The following AGAP1 variants were observed in gnomAD, a reference collection of about 807,000 sequenced individuals.
AGAP1 encodes the protein ArfGAP with GTPase domain, ankyrin repeat and PH domain 1, also known as arf-GAP with GTPase, ANK repeat and PH domain-containing protein 1.
Under a neutral mutation model 105.3 loss-of-function variants are expected in AGAP1, and 29 were observed. That is an observed-to-expected ratio of 0.28 (90% confidence interval 0.21 to 0.38). The LOEUF (loss-of-function observed/expected upper bound fraction) is 0.38. Among genes scored for constraint, AGAP1 ranks in the 10% least tolerant of loss-of-function variants. The pLI is 1.00. For synonymous variants in AGAP1, 509 were observed against 485.9 expected (o/e 1.05, Z -0.63); for missense variants, 998 against 1,165.1 (o/e 0.86, Z 2.09).
Position 235,905,461 on chromosome 2 carries a change from A to G in AGAP1, c.1156-3277A>G, listed in dbSNP as rs755760735. Among the ~76,000 whole-genome samples the G allele has an allele frequency of 1.3e-5, 2 of 152,168 alleles. No homozygotes were observed. Among genetic ancestry groups the G allele is most frequent in the African/African-American group, 2.4e-5 (1 of 41,436 alleles). On this transcript the variant is annotated intron_variant, in intron 10 of 17. Coordinates refer to ENST00000304032, the MANE Select transcript of AGAP1 (RefSeq NM_001037131.3). The surrounding 1 kb of genome is among the most constrained non-coding windows in gnomAD (Gnocchi z 4.2). ...GAAAAACCTTTTTTAGGAAGTGACC[A>G]ACACTCACCACTCTACGGTGTGCTT...
intron 13 of AGAP1, among the ~76,000 whole-genome samples, chr2:235,975,780 AC>A (rs1189881889): frequency 6.6e-6 from 1 of 152,076 alleles, no homozygotes; most frequent in Non-Finnish European, 1.5e-5. Flanking sequence ...TGAACATTCC[AC>A]CGGCACCTCC....
rs2051443901 is a variant in AGAP1, at chr2:235,908,974, A to G, written c.1324+68A>G. Reference sequence around the variant, plus strand: ...AACAGGTGGTCCAGGCTCGAGGATAATGTTGGACTCCTAGGTTAAGTGGAG... The same window carrying G: ...AACAGGTGGTCCAGGCTCGAGGATAGTGTTGGACTCCTAGGTTAAGTGGAG... On this transcript the variant is annotated intron_variant, in intron 11 of 17. Coordinates refer to ENST00000304032, the MANE Select transcript of AGAP1 (RefSeq NM_001037131.3). The surrounding 1 kb of genome is among the most constrained non-coding windows in gnomAD (Gnocchi z 4.4). 6.7e-7 allele frequency: 1 copy of G among 1,490,574 alleles called. No individual in the cohort carries two copies. The highest frequency in any genetic ancestry group is 9.2e-7 in the Non-Finnish European group (1 of 1,086,320). The allele number at this position is 1,490,574 out of a possible 1,614,324, so 92.3% of individuals were successfully genotyped here. A position where few individuals can be genotyped will look rare whatever the true frequency, so the allele number is the denominator to read the frequency against.
intron 1 of AGAP1, among the ~76,000 whole-genome samples, chr2:235,528,162 A>G (rs1283963428): frequency 6.6e-6 from 1 of 152,176 alleles, no homozygotes; most frequent in African/African-American, 2.4e-5. Context: ...AACTCCAGAA[A>G]GTTTTACCAA....
In AGAP1 at chr2:235,988,215, G is replaced by T. The variant is rs2055405977; in HGVS notation, c.1645+19592G>T. Among the ~76,000 whole-genome samples, 1 of 152,138 alleles carries T rather than the reference G, an allele frequency of 6.6e-6. No individual in the cohort carries two copies. Among genetic ancestry groups the T allele is most frequent in the Non-Finnish European group, 1.5e-5 (1 of 68,034 alleles). ...CCACCACCACGCCCAGCTAATTTTTGTGTTTTTAGTAGAGACAGGGCTTCA... is the reference window on the plus strand; with the variant it reads ...CCACCACCACGCCCAGCTAATTTTTTTGTTTTTAGTAGAGACAGGGCTTCA... On this transcript the variant is annotated intron_variant, in intron 13 of 17. Coordinates refer to ENST00000304032, the MANE Select transcript of AGAP1 (RefSeq NM_001037131.3). This position sits in a 1 kb window ranked among gnomAD's most constrained non-coding sequence, Gnocchi z 4.7.
chr2:236,066,800 C>T (rs908006889), intron 16 of AGAP1, among the ~76,000 whole-genome samples: 2 of 152,192 alleles, frequency 1.3e-5, no homozygotes, highest in Admixed American at 6.5e-5. Flanking sequence ...CCTGTCCCCC[C>T]TCCTGTTTAT....
In AGAP1 at chr2:235,989,011, T is replaced by G. The variant is rs2055442169; in HGVS notation, c.1645+20388T>G. ...CAGACCACACGTTGTCAGGCTTCCC[T>G]TGGCCAATAATGTGGAGTCTTTTGG... On this transcript the variant is annotated intron_variant, in intron 13 of 17. Coordinates refer to ENST00000304032, the MANE Select transcript of AGAP1 (RefSeq NM_001037131.3). The surrounding 1 kb of genome is among the most constrained non-coding windows in gnomAD (Gnocchi z 4.4). Among the ~76,000 whole-genome samples, 1 of 152,206 alleles carries G rather than the reference T, an allele frequency of 6.6e-6. No individual in the cohort carries two copies. Among genetic ancestry groups the G allele is most frequent in the African/African-American group, 2.4e-5 (1 of 41,456 alleles).
At chr2:235,892,484 A>G (rs968165819) in intron 10 of AGAP1, among the ~76,000 whole-genome samples, 9 of 152,182 alleles carry the variant, frequency 5.9e-5, no homozygotes, top group South Asian at 2.1e-4. Flanking sequence ...TCTAGTTTCA[A>G]AATCAGACAG....
rs1230234803 is a variant in AGAP1, at chr2:235,600,841, C to G, written c.163+105992C>G. 6.6e-6 allele frequency among the ~76,000 whole-genome samples: 1 copy of G among 152,222 alleles called. No individual in the cohort carries two copies. Among genetic ancestry groups the G allele is most frequent in the African/African-American group, 2.4e-5 (1 of 41,442 alleles). On this transcript the variant is annotated intron_variant, in intron 1 of 17. Transcript: ENST00000304032. This position sits in a 1 kb window ranked among gnomAD's most constrained non-coding sequence, Gnocchi z 4.8. ...TTGGCAGCGCCCTCACAGACACACC[C>G]AGGATCAATACTTTGCATCTTTCAA...
Position 235,947,787 on chromosome 2 carries a change from G to A in AGAP1, c.1483+16864G>A, listed in dbSNP as rs141476027. ...CAGGTGGTAGAATGAGCAGTTGAACGTTACTGTTTGCCAGTGTCTAAGCCC... is the reference window on the plus strand; with the variant it reads ...CAGGTGGTAGAATGAGCAGTTGAACATTACTGTTTGCCAGTGTCTAAGCCC... On this transcript the variant is annotated intron_variant, in intron 12 of 17. Transcript: ENST00000304032. 4.6e-4 allele frequency among the ~76,000 whole-genome samples: 70 copies of A among 152,352 alleles called. No homozygotes were observed. The East Asian group carries it at 0.012, about 26-fold the overall frequency.
intron 13 of AGAP1, among the ~76,000 whole-genome samples, chr2:235,978,305 C>T (rs1208561794): frequency 1.3e-5 from 2 of 152,220 alleles, no homozygotes; most frequent in Non-Finnish European, 2.9e-5. Flanking sequence ...CTCACCCACG[C>T]ACCATATGCC....
At chr2:236,029,510 T>C (rs1295501064) in intron 13 of AGAP1, among the ~76,000 whole-genome samples, 3 of 151,532 alleles carry the variant, frequency 2.0e-5, no homozygotes, top group African/African-American at 7.3e-5. Flanking sequence ...GGTCTTGAAC[T>C]CCTGACCTCA....
chr2:235,545,488 G>A (rs1288351021), intron 1 of AGAP1, among the ~76,000 whole-genome samples: 1 of 152,140 alleles, frequency 6.6e-6, no homozygotes, highest in East Asian at 1.9e-4. Flanking sequence ...TTGCACCTGC[G>A]GGGGAAGTAG....
intron 11 of AGAP1, among the ~76,000 whole-genome samples, chr2:235,911,673 G>T (rs1241387946): frequency 6.6e-6 from 1 of 152,248 alleles, no homozygotes; most frequent in Non-Finnish European, 1.5e-5. Flanking sequence ...GGAGTGAGTT[G>T]TGTGTCCTTG....
At position 235,729,956 on chromosome 2, in the gene AGAP1, C is replaced by T. The variant is rs1335468827; in HGVS notation, c.311-11007C>T. Among the ~76,000 whole-genome samples, 1 of 152,074 alleles carries T rather than the reference C, an allele frequency of 6.6e-6. No homozygotes were observed. The highest frequency in any genetic ancestry group is 2.4e-5 in the African/African-American group (1 of 41,366). ...TTTTACACAGGCAGTTCGCCAGCCC[C>T]CTACCCTACAGTATGGAAAAAAGGC... On this transcript the variant is annotated intron_variant, in intron 3 of 17. Coordinates refer to ENST00000304032, the MANE Select transcript of AGAP1 (RefSeq NM_001037131.3). This position sits in a 1 kb window ranked among gnomAD's most constrained non-coding sequence, Gnocchi z 5.0.
chr2:235,765,987 G>A (rs376380839), intron 6 of AGAP1, among the ~76,000 whole-genome samples: 17 of 152,296 alleles, frequency 1.1e-4, no homozygotes, highest in East Asian at 5.8e-4. Context: ...GGACAGGACC[G>A]GTCTTGTCAG....
chr2:235,756,627 T>C (rs1728288), intron 6 of AGAP1, among the ~76,000 whole-genome samples: 66,540 of 152,012 alleles, frequency 0.44, 17,265 homozygotes, highest in Non-Finnish European at 0.56. Context: ...CATCCCAGCA[T>C]GTTTTGTATA....
At chr2:236,112,668 A>G (rs879627945) in intron 16 of AGAP1, among the ~76,000 whole-genome samples, 2 of 151,734 alleles carry the variant, frequency 1.3e-5, no homozygotes, top group Non-Finnish European at 3.0e-5. Context: ...TCCCGGCCCA[A>G]GCTCAGGGGC....
Position 235,659,319 on chromosome 2 carries a change from G to T in AGAP1, c.164-49860G>T, listed in dbSNP as rs1160330930. Among the ~76,000 whole-genome samples, 1 of 152,196 alleles carries T rather than the reference G, an allele frequency of 6.6e-6. No homozygotes were observed. The highest frequency in any genetic ancestry group is 2.4e-5 in the African/African-American group (1 of 41,436). ...CCTACCTCTCTGTGGCACTTTGGGG[G>T]TAGAATGGATGAACTGAATTAACGT... On this transcript the variant is annotated intron_variant, in intron 1 of 17. Coordinates refer to ENST00000304032, the MANE Select transcript of AGAP1 (RefSeq NM_001037131.3). This position sits in a 1 kb window ranked among gnomAD's most constrained non-coding sequence, Gnocchi z 5.0.
rs924435665 is a variant in AGAP1 at position 235,867,171 on chromosome 2, A to G, written c.1051-16174A>G. On this transcript the variant is annotated intron_variant, in intron 9 of 17. Transcript: ENST00000304032. The surrounding 1 kb of genome is among the most constrained non-coding windows in gnomAD (Gnocchi z 5.4). ...AAAAGAATTGAATTTGCCAATTTAC[A>G]TTAAAGTTTCTGGCCTCTGATTGGG... 2.0e-5 allele frequency among the ~76,000 whole-genome samples: 3 copies of G among 152,210 alleles called. No homozygotes were observed. The highest frequency in any genetic ancestry group is 7.2e-5 in the African/African-American group (3 of 41,456).
Sources: gnomAD v4.1 joint callset for allele counts (sites outside exome capture counted in the v4.1 genomes callset) on GRCh38, gnomAD v4.1.1 for gene constraint, Gnocchi (gnomAD v3.1) non-coding constraint, MANE v1.5 for transcripts, NCBI Gene and HGNC (gene_info 2026-07-23, HGNC 2026-07-21) for gene names.